ENPP2: variants seen among roughly 807,000 people sequenced by gnomAD.
ENPP2 encodes ectonucleotide pyrophosphatase/phosphodiesterase 2, also known as autotaxin.
ENPP2 carries 51 observed loss-of-function variants against 120.2 expected under a neutral mutation model. The observed-to-expected ratio is 0.42, with a 90% CI of 0.34 to 0.54. ENPP2 has a LOEUF of 0.54. Among genes scored for constraint, ENPP2 ranks in the 20% least tolerant of loss-of-function variants. ENPP2 has a pLI of 0.04. For missense variants in ENPP2, 920 were observed against 1,066.5 expected (o/e 0.86, Z 1.91); for synonymous variants, 365 against 366.4 (o/e 1.00, Z 0.04).
At chr8:119,654,340 A>G (rs1380528198) in intron 1 of ENPP2, among the ~76,000 whole-genome samples, 3 of 143,226 alleles carry the variant, frequency 2.1e-5, no homozygotes, top group Non-Finnish European at 3.0e-5. Flanking sequence ...ATAGAGATAT[A>G]TCTCTGTATA....
At chr8:119,606,575 C>A (rs1160600580) in intron 9 of ENPP2, among the ~76,000 whole-genome samples, 1 of 151,396 alleles carries the variant, frequency 6.6e-6, no homozygotes, top group African/African-American at 2.4e-5. Flanking sequence ...TCCAACCTAC[C>A]TACACTTACT....
At chr8:119,577,630 T>C (rs1458659098) in intron 19 of ENPP2, among the ~76,000 whole-genome samples, 1 of 152,242 alleles carries the variant, frequency 6.6e-6, no homozygotes, top group Admixed American at 6.5e-5. Context: ...AAGGCTCTCT[T>C]GTGTCATTAA....
chr8:119,557,738 G>T, intron 24 of ENPP2, 47 bp from the exon 25 acceptor site: 2 of 1,488,332 alleles, frequency 1.3e-6, no homozygotes, highest in Non-Finnish European at 1.8e-6. Flanking sequence ...TTCCAGAGGA[G>T]TTTCTCCAAA....
intron 8 of ENPP2, among the ~76,000 whole-genome samples, chr8:119,612,692 C>G (rs1815192883): frequency 6.6e-6 from 1 of 152,106 alleles, no homozygotes. Flanking sequence ...AAGTTGGAGA[C>G]AATCCTGGGC....
intron 8 of ENPP2, 139 bp downstream of exon 8, chr8:119,616,126 T>C: frequency 1.5e-6 from 1 of 676,700 alleles, no homozygotes; most frequent in Non-Finnish European, 2.5e-6. Context: ...GTATGTATAT[T>C]AAAAGTATCA....
At chr8:119,639,859 G>T (rs191308067), upstream of ENPP2, among the ~76,000 whole-genome samples, 11 of 152,264 alleles carry the variant, frequency 7.2e-5, no homozygotes, top group East Asian at 2.1e-3. Flanking sequence ...AAAAAATCAA[G>T]GGCTCTAAAT....
chr8:119,575,790 G>A (rs1228309447), intron 19 of ENPP2, among the ~76,000 whole-genome samples: 1 of 152,162 alleles, frequency 6.6e-6, no homozygotes, highest in East Asian at 1.9e-4. Context: ...GTTTAGTAAA[G>A]GTATGGGCTC....
Position 119,601,449 on chromosome 8 carries a change from C to T in ENPP2, c.847G>A (p.Glu283Lys), listed in dbSNP as rs778366431. 8 of 1,612,800 alleles carry T rather than the reference C, an allele frequency of 5.0e-6. No individual in the cohort carries two copies. Among genetic ancestry groups the T allele is most frequent in the Non-Finnish European group, 6.8e-6 (8 of 1,179,050 alleles). ...TFFWSVVIPH[E>K]RRILTILQWL... ...TGCAATATGGTTAATATTCTCCGCT[C>T]GTGAGGGATGACACTGGAGGGTAAA... is the stretch of plus-strand genomic sequence containing the variant. The change falls in exon 10 of 25, where the codon GAG becomes AAG. Residue 283 changes from glutamate (E) to lysine (K), a missense_variant. Glu to Lys is a moderately conservative substitution (Grantham distance 56). Transcript: ENST00000075322.
At chr8:119,647,023 A>G (rs1817489832) in intron 1 of ENPP2, among the ~76,000 whole-genome samples, 1 of 145,542 alleles carries the variant, frequency 6.9e-6, no homozygotes, top group South Asian at 2.2e-4. Flanking sequence ...TTTGAGACAG[A>G]GTTTGGCTCT....
chr8:119,588,241 G>C (rs1355649435), intron 13 of ENPP2, among the ~76,000 whole-genome samples: 4 of 152,052 alleles, frequency 2.6e-5, no homozygotes, highest in Admixed American at 1.3e-4. Flanking sequence ...TTCTATAAGA[G>C]CTCTGCAGGT....
chr8:119,565,830 G>A (rs529707118), intron 22 of ENPP2, among the ~76,000 whole-genome samples: 3 of 152,106 alleles, frequency 2.0e-5, no homozygotes, highest in South Asian at 4.2e-4. Flanking sequence ...GTAGCCAGAC[G>A]GAGCCTTTTA....
chr8:119,624,954 C>G (rs1272276184), intron 3 of ENPP2, among the ~76,000 whole-genome samples: 1 of 152,054 alleles, frequency 6.6e-6, no homozygotes, highest in Non-Finnish European at 1.5e-5. Flanking sequence ...TCTTTGTACA[C>G]AGGGAAATGG....
At chr8:119,604,570 A>G (rs1000326233) in intron 9 of ENPP2, among the ~76,000 whole-genome samples, 25 of 128,600 alleles carry the variant, frequency 1.9e-4, no homozygotes, top group African/African-American at 7.4e-4. Flanking sequence ...CATGAGACCA[A>G]GTATATTAGA....
At chr8:119,605,426 A>ATGTGTGTGTG (rs1491174876) in intron 9 of ENPP2, among the ~76,000 whole-genome samples, 7 of 138,402 alleles carry the variant, frequency 5.1e-5, no homozygotes, top group African/African-American at 1.4e-4. Flanking sequence ...TGAAGATACC[A>ATGTGTGTGTG]TATATGTGTG....
At chr8:119,561,557 T>C (rs1813932287) in intron 24 of ENPP2, among the ~76,000 whole-genome samples, 1 of 152,142 alleles carries the variant, frequency 6.6e-6, no homozygotes, top group Admixed American at 6.5e-5. Context: ...GGTTTTTCCA[T>C]CTGTCCCTGA....
At chr8:119,587,106 G>T (rs1243976270) in intron 13 of ENPP2, 31 bp from the exon 14 acceptor site, 3 of 1,578,180 alleles carry the variant, frequency 1.9e-6, no homozygotes, top group Non-Finnish European at 2.6e-6. Flanking sequence ...GATTTCAAAA[G>T]AAATAACAAC....
Position 119,575,801 on chromosome 8 carries a change from T to C in ENPP2, c.1780+4315A>G, listed in dbSNP as rs539740903. Among the ~76,000 whole-genome samples, 4 of 152,350 alleles carry C rather than the reference T, an allele frequency of 2.6e-5. No individual in the cohort carries two copies. In the East Asian group the frequency reaches 7.7e-4, roughly 29 times the overall value. On this transcript the variant is annotated intron_variant, in intron 19 of 24. Transcript: ENST00000075322. ...TACTGTTTAGTAAAGGTATGGGCTC[T>C]ACCTCAATACTGGCAAAGAATATTG... is the stretch of plus-strand genomic sequence containing the variant.
chr8:119,565,162 T>C (rs1277357177), intron 22 of ENPP2, among the ~76,000 whole-genome samples: 1 of 151,692 alleles, frequency 6.6e-6, no homozygotes, highest in Non-Finnish European at 1.5e-5. Flanking sequence ...TGTAGAGCTA[T>C]GAAACAATGG....
intron 19 of ENPP2, among the ~76,000 whole-genome samples, chr8:119,579,055 C>A (rs1337318177): frequency 6.6e-6 from 1 of 152,186 alleles, no homozygotes; most frequent in African/African-American, 2.4e-5. Context: ...TGCTTGAATT[C>A]TTTCTGCATT....
Sources: allele counts gnomAD v4.1 joint callset (sites outside exome capture counted in the v4.1 genomes callset), GRCh38; gene constraint gnomAD v4.1.1; transcripts MANE v1.5; gene names NCBI Gene and HGNC (gene_info 2026-07-23, HGNC 2026-07-21).